Variants in METTL15 observed in about 807,000 individuals in gnomAD.
The protein encoded by METTL15 is 12S rRNA N(4)-cytidine methyltransferase METTL15.
Under a neutral mutation model 38.3 loss-of-function variants are expected in METTL15, and 34 were observed. That is an observed-to-expected ratio of 0.89 (90% CI 0.68 to 1.18). The LOEUF (loss-of-function observed/expected upper bound fraction) is 1.18, where lower values mean the gene tolerates loss of function less well. METTL15 is among the 50% of genes most tolerant of loss of function. METTL15 has a pLI of 0.00. For missense variants in METTL15, 438 were observed against 498.4 expected (o/e 0.88, Z 1.15); for synonymous variants, 162 against 170.9 (o/e 0.95, Z 0.41).
intron 4 of METTL15, among the ~76,000 whole-genome samples, chr11:28,227,702 A>G (rs1853537152): frequency 1.3e-5 from 2 of 151,950 alleles, no homozygotes; most frequent in African/African-American, 4.8e-5. Flanking sequence ...AAAGTTTTTG[A>G]AACAGGGAAC....
rs772116266 is a variant in METTL15 at position 28,310,965 on chromosome 11, G to GGTGTGTGT, written c.778+14066_778+14073dup. 2.1e-4 allele frequency among the ~76,000 whole-genome samples: 16 copies of GGTGTGTGT among 77,464 alleles called. No individual in the cohort carries two copies. The East Asian group carries it at 2.3e-3, about 11-fold the overall frequency. 50.8% of individuals were successfully genotyped at this position (77,464 alleles called of 152,430 possible). A position where few individuals can be genotyped will look rare whatever the true frequency, so the allele number is the denominator to read the frequency against. On this transcript the variant is annotated intron_variant, in intron 6 of 6. Transcript: ENST00000407364. ...GGTGGTGGTGGTGGTGGTGGTGGTG[G>GGTGTGTGT]GTGTGTGTGTGTGTGTGTGTGTGTG...
At chr11:28,273,787 A>G (rs1855737320) in intron 4 of METTL15, among the ~76,000 whole-genome samples, 1 of 152,110 alleles carries the variant, frequency 6.6e-6, no homozygotes, top group Admixed American at 6.5e-5. Context: ...TTCATGATGT[A>G]TATTTTATTA....
At chr11:28,480,311 G>A (rs567079120) in intron 6 of METTL15, among the ~76,000 whole-genome samples, 17 of 152,040 alleles carry the variant, frequency 1.1e-4, no homozygotes, top group African/African-American at 2.7e-4. Flanking sequence ...CCAACACAAC[G>A]TTACTGAATG....
chr11:28,207,797 G>T (rs1852423387), intron 3 of METTL15, among the ~76,000 whole-genome samples: 1 of 152,058 alleles, frequency 6.6e-6, no homozygotes, highest in East Asian at 1.9e-4. Flanking sequence ...TCCTGTTATT[G>T]GTCTTTTCAG....
At chr11:28,531,317 T>G (rs571492026), downstream of METTL15, among the ~76,000 whole-genome samples, 59 of 152,164 alleles carry the variant, frequency 3.9e-4, no homozygotes, top group African/African-American at 1.4e-3. Flanking sequence ...ATGCTTTTAT[T>G]AGTTCAACCA....
intron 6 of METTL15, among the ~76,000 whole-genome samples, chr11:28,446,629 T>A (rs1309142139): frequency 6.6e-6 from 1 of 152,170 alleles, no homozygotes. Flanking sequence ...CTACACATCA[T>A]CATAGCAATA....
intron 3 of METTL15, among the ~76,000 whole-genome samples, chr11:28,204,502 G>A (rs1432673877): frequency 7.2e-6 from 1 of 138,642 alleles, no homozygotes; most frequent in Non-Finnish European, 1.5e-5. Flanking sequence ...TTCCCTCACG[G>A]AGCATTTGTT....
At chr11:28,113,243 T>G (rs1851790436) in intron 2 of METTL15, 75 bp from the exon 3 acceptor site, 1 of 999,880 alleles carries the variant, frequency 1.0e-6, no homozygotes, top group Non-Finnish European at 1.5e-6. Flanking sequence ...TATTGCATAT[T>G]AATTTGATTT....
At chr11:28,482,113 A>G (rs930535939) in intron 6 of METTL15, among the ~76,000 whole-genome samples, 6 of 152,170 alleles carry the variant, frequency 3.9e-5, no homozygotes, top group Admixed American at 2.0e-4. Context: ...ACTGGTCTCA[A>G]GCACTCTGTC....
At chr11:28,279,909 C>CA (rs1855987709) in intron 4 of METTL15, among the ~76,000 whole-genome samples, 1 of 58,252 alleles carries the variant, frequency 1.7e-5, no homozygotes, top group Non-Finnish European at 3.8e-5. Context: ...AAAAACAAAA[C>CA]AAAACAAAAA....
chr11:28,110,564 G>A (rs1851678031), intron 2 of METTL15, among the ~76,000 whole-genome samples, 163 bp downstream of exon 2: 1 of 152,150 alleles, frequency 6.6e-6, no homozygotes, highest in Admixed American at 6.5e-5. Flanking sequence ...GGAAGTTTCC[G>A]AATAGTTTTT....
intron 3 of METTL15, among the ~76,000 whole-genome samples, chr11:28,191,596 T>C (rs1851702790): frequency 6.6e-6 from 1 of 151,628 alleles, no homozygotes; most frequent in Non-Finnish European, 1.5e-5. Flanking sequence ...ATTTTCAGGT[T>C]CTATGGTTAG....
At chr11:28,406,461 A>C (rs1419481735) in intron 5 of METTL15, among the ~76,000 whole-genome samples, 1 of 152,156 alleles carries the variant, frequency 6.6e-6, no homozygotes, top group African/African-American at 2.4e-5. Flanking sequence ...TTATCAGCTT[A>C]AGAAGCTTTT....
At chr11:28,527,628 A>G (rs1390957175), downstream of METTL15, among the ~76,000 whole-genome samples, 2 of 152,220 alleles carry the variant, frequency 1.3e-5, no homozygotes, top group Non-Finnish European at 2.9e-5. Flanking sequence ...CCTAGAGGAA[A>G]GAGGCATGGT....
At chr11:28,305,673 A>G (rs1414340577) in intron 6 of METTL15, among the ~76,000 whole-genome samples, 1 of 152,036 alleles carries the variant, frequency 6.6e-6, no homozygotes, top group Non-Finnish European at 1.5e-5. Flanking sequence ...GATGTCCCAT[A>G]CTCCCAGCAC....
downstream of METTL15, among the ~76,000 whole-genome samples, chr11:28,334,167 C>T (rs1849879341): frequency 1.3e-5 from 2 of 151,878 alleles, no homozygotes; most frequent in South Asian, 4.1e-4. Flanking sequence ...ACCTTTTTCA[C>T]CACTCTCCCT....
chr11:28,374,912 T>C (rs1850289502), intron 5 of METTL15, among the ~76,000 whole-genome samples: 1 of 151,866 alleles, frequency 6.6e-6, no homozygotes, highest in Non-Finnish European at 1.5e-5. Flanking sequence ...TTTCTGCATC[T>C]ATTGAGATAA....
At chr11:28,350,232 C>A (rs1486719819) in intron 3 of METTL15, among the ~76,000 whole-genome samples, 1 of 152,102 alleles carries the variant, frequency 6.6e-6, no homozygotes, top group African/African-American at 2.4e-5. Context: ...ATCTGGGCCA[C>A]AAATTCTTGT....
intron 5 of METTL15, among the ~76,000 whole-genome samples, chr11:28,367,116 G>C (rs951523771): frequency 6.6e-6 from 1 of 151,912 alleles, no homozygotes; most frequent in African/African-American, 2.4e-5. Context: ...CTTTTCAGGG[G>C]GCTGCCTGAG....
Sources: allele counts gnomAD v4.1 joint callset (sites outside exome capture counted in the v4.1 genomes callset), GRCh38; gene constraint gnomAD v4.1.1; transcripts MANE v1.5; gene names NCBI Gene and HGNC (gene_info 2026-07-23, HGNC 2026-07-21).